Variants in CAMTA1 observed in about 807,000 individuals in gnomAD.
CAMTA1 encodes the protein calmodulin-binding transcription activator 1.
CAMTA1 carries 27 observed loss-of-function variants against 170.9 expected under a neutral mutation model. The observed-to-expected ratio is 0.16, with a 90% CI of 0.12 to 0.22. The LOEUF is 0.22. CAMTA1 is among the 10% of genes least tolerant of loss of function. The probability of loss-of-function intolerance (pLI) is 1.00; values close to 1 mark genes in which losing one functional copy is unlikely to be tolerated. For missense variants in CAMTA1, 1,619 were observed against 2,217.2 expected (o/e 0.73, Z 5.42); for synonymous variants, 833 against 891.5 (o/e 0.93, Z 1.17).
chr1:6,809,697 T>C (rs1370626097), intron 1 of CAMTA1, among the ~76,000 whole-genome samples: 2 of 152,018 alleles, frequency 1.3e-5, no homozygotes, highest in East Asian at 3.9e-4. Flanking sequence ...AGAAATGTGA[T>C]GAATGCTTAC....
chr1:7,020,049 C>T (rs934619583), intron 3 of CAMTA1, among the ~76,000 whole-genome samples: 1 of 152,236 alleles, frequency 6.6e-6, no homozygotes, highest in Non-Finnish European at 1.5e-5. Flanking sequence ...CATGGCTGGG[C>T]TGCCTGTTTC....
At chr1:7,606,051 G>A (rs558665452) in intron 6 of CAMTA1, among the ~76,000 whole-genome samples, 9 of 152,310 alleles carry the variant, frequency 5.9e-5, no homozygotes, top group African/African-American at 1.7e-4. Context: ...CCTGAGTCAT[G>A]TGATCCAATC....
intron 3 of CAMTA1, among the ~76,000 whole-genome samples, chr1:6,828,895 T>G (rs1468865921): frequency 6.9e-6 from 1 of 144,602 alleles, no homozygotes; most frequent in Non-Finnish European, 1.5e-5. Context: ...ACGTAGTTTT[T>G]TTTTTTTTTT....
At chr1:7,636,318 G>A (rs2095711916) in intron 6 of CAMTA1, among the ~76,000 whole-genome samples, 1 of 152,126 alleles carries the variant, frequency 6.6e-6, no homozygotes, top group Non-Finnish European at 1.5e-5. Context: ...GGATGGGGTG[G>A]GTATCCACTG....
chr1:7,363,362 C>T (rs552176610), intron 5 of CAMTA1, among the ~76,000 whole-genome samples: 1 of 151,864 alleles, frequency 6.6e-6, no homozygotes, highest in Non-Finnish European at 1.5e-5. Flanking sequence ...TAAAATATTA[C>T]TTTATCATCT....
At chr1:7,078,992 C>T (rs1639667459) in intron 3 of CAMTA1, among the ~76,000 whole-genome samples, 1 of 152,162 alleles carries the variant, frequency 6.6e-6, no homozygotes, top group Admixed American at 6.5e-5. Flanking sequence ...GTTCTGTTGA[C>T]TACTAAACCA....
At chr1:7,059,831 T>G (rs1332514365) in intron 3 of CAMTA1, among the ~76,000 whole-genome samples, 1 of 152,202 alleles carries the variant, frequency 6.6e-6, no homozygotes, top group Non-Finnish European at 1.5e-5. Flanking sequence ...GCACTTATGC[T>G]TAGTGCTTTA....
intron 4 of CAMTA1, among the ~76,000 whole-genome samples, chr1:7,104,167 TACACACATATACACACA>T (rs1643298423): frequency 7.0e-6 from 1 of 142,752 alleles, no homozygotes; most frequent in Non-Finnish European, 1.5e-5. Context: ...TGCATACAAC[TACACACATATACACACA>T]ACACACATGC....
chr1:7,225,248 C>A (rs1466830609), intron 4 of CAMTA1, among the ~76,000 whole-genome samples: 1 of 152,116 alleles, frequency 6.6e-6, no homozygotes, highest in Non-Finnish European at 1.5e-5. Flanking sequence ...CCATGCCCAG[C>A]TAATTTTTAT....
At chr1:7,711,643 T>G (rs762173871) in intron 11 of CAMTA1, among the ~76,000 whole-genome samples, 98 of 152,218 alleles carry the variant, frequency 6.4e-4, no homozygotes, top group Non-Finnish European at 1.3e-3. Flanking sequence ...TCTAGGACCA[T>G]TTCCAGAAAG....
At position 7,635,334 on chromosome 1, in the gene CAMTA1, G is replaced by C. The variant is rs930667800; in HGVS notation, c.511-5066G>C. Among the ~76,000 whole-genome samples the C allele has an allele frequency of 6.6e-6, 1 of 152,178 alleles. No homozygotes were observed. Among genetic ancestry groups the C allele is most frequent in the Admixed American group, 6.5e-5 (1 of 15,274 alleles). Reference sequence around the variant, plus strand: ...CCAGAATCAAGGATCCGGGCCGGGCGTGGTGGCTCACGCCTGTAATCCCAG... The same window carrying C: ...CCAGAATCAAGGATCCGGGCCGGGCCTGGTGGCTCACGCCTGTAATCCCAG... On this transcript the variant is annotated intron_variant, in intron 6 of 22. Coordinates refer to ENST00000303635, the MANE Select transcript of CAMTA1 (RefSeq NM_015215.4). This position sits in a 1 kb window ranked among gnomAD's most constrained non-coding sequence, Gnocchi z 4.4.
chr1:7,520,633 C>G (rs941805075), intron 6 of CAMTA1, among the ~76,000 whole-genome samples: 2 of 151,936 alleles, frequency 1.3e-5, no homozygotes, highest in Non-Finnish European at 2.9e-5. Flanking sequence ...AGCAGGGGCC[C>G]CTTCTGGGCA....
At chr1:7,624,014 C>T (rs187285381) in intron 6 of CAMTA1, among the ~76,000 whole-genome samples, 24 of 152,334 alleles carry the variant, frequency 1.6e-4, no homozygotes, top group Admixed American at 1.0e-3. Flanking sequence ...AGTTTTTGAA[C>T]GGTGCTGTTC....
At position 7,014,611 on chromosome 1, in the gene CAMTA1, G is replaced by A. The variant is rs957672231; in HGVS notation, c.235-76693G>A. On this transcript the variant is annotated intron_variant, in intron 3 of 22. Coordinates refer to ENST00000303635, the MANE Select transcript of CAMTA1 (RefSeq NM_015215.4). This position sits in a 1 kb window ranked among gnomAD's most constrained non-coding sequence, Gnocchi z 4.2. ...GTTTTAAGGCAGCAAAACAGCGTGC[G>A]AGCTTGGTCCCTTAACACGGAGTCT... 1.3e-5 allele frequency among the ~76,000 whole-genome samples: 2 copies of A among 152,178 alleles called. No homozygotes were observed. The highest frequency in any genetic ancestry group is 4.8e-5 in the African/African-American group (2 of 41,442).
chr1:6,785,570 C>T lies in CAMTA1; in HGVS notation c.40C>T (p.Arg14Trp), dbSNP rs1359009171. ...GGGGAAATGGCTGCCGAAAACAAGC[C>T]GGAAGGTAAGAGCCGGAGCGCGAGG... ...AEGKWLPKTS[R>W]KSVSQSVFCG... The change falls in exon 1 of 23, where the codon CGG becomes TGG. Residue 14 changes from arginine to tryptophan, a missense_variant. Physicochemically the swap from Arg to Trp is moderately radical, Grantham distance 101 (BLOSUM62 -3). This residue lies in a region of CAMTA1 where 61 missense variants were observed against 57.7 expected (regional missense o/e 1.06). Coordinates refer to ENST00000303635, the MANE Select transcript of CAMTA1 (RefSeq NM_015215.4). The T allele has an allele frequency of 1.2e-5, 13 of 1,068,278 alleles. No homozygotes were observed. Among genetic ancestry groups the T allele is most frequent in the Non-Finnish European group, 1.4e-5 (12 of 867,578 alleles). 66.2% of individuals were successfully genotyped at this position (1,068,278 alleles called of 1,614,324 possible).
chr1:7,180,511 C>CTTTTT (rs397862259), intron 4 of CAMTA1, among the ~76,000 whole-genome samples: 20 of 71,178 alleles, frequency 2.8e-4, no homozygotes, highest in East Asian at 1.4e-3. Context: ...TGTCACTAGA[C>CTTTTT]TTTTTTTTTT....
rs544844214 is a variant in CAMTA1, at chr1:7,455,746, A to C, written c.439-12084A>C. Among the ~76,000 whole-genome samples the C allele has an allele frequency of 1.3e-5, 2 of 152,360 alleles. No individual in the cohort carries two copies. Among genetic ancestry groups the C allele is most frequent in the South Asian group, 4.1e-4 (2 of 4,828 alleles). On this transcript the variant is annotated intron_variant, in intron 5 of 22. Coordinates refer to ENST00000303635, the MANE Select transcript of CAMTA1 (RefSeq NM_015215.4). The surrounding 1 kb of genome is among the most constrained non-coding windows in gnomAD (Gnocchi z 5.0). The stretch of plus-strand genomic sequence containing the variant: ...AGTAACCACAGCCAGGAATCCCGGC[A>C]GTGCCAGCCCCGCAGACGCCTGCCC...
At position 7,483,882 on chromosome 1, in the gene CAMTA1, G is replaced by A. The variant is rs2093577807; in HGVS notation, c.510+15981G>A. Among the ~76,000 whole-genome samples, 3 of 152,150 alleles carry A rather than the reference G, an allele frequency of 2.0e-5. No individual in the cohort carries two copies. The South Asian group carries it at 6.2e-4, about 32-fold the overall frequency. On this transcript the variant is annotated intron_variant, in intron 6 of 22. Transcript: ENST00000303635. Reference sequence around the variant, plus strand: ...CCAGCCCCTGACCTGGCTCCCGTGAGCAGCCTGAGCTCCACACACCTCCTG... The same window carrying A: ...CCAGCCCCTGACCTGGCTCCCGTGAACAGCCTGAGCTCCACACACCTCCTG...
intron 5 of CAMTA1, among the ~76,000 whole-genome samples, chr1:7,405,931 G>T (rs1279708693): frequency 1.3e-5 from 2 of 152,216 alleles, no homozygotes. Flanking sequence ...CTGCCCTGCT[G>T]TTGGGGATTT....
Sources: gnomAD v4.1 joint callset for allele counts (sites outside exome capture counted in the v4.1 genomes callset) on GRCh38, gnomAD v4.1.1 for gene constraint, gnomAD v4.1.1 regional missense constraint, Gnocchi (gnomAD v3.1) non-coding constraint, MANE v1.5 for transcripts, NCBI Gene and HGNC (gene_info 2026-07-23, HGNC 2026-07-21) for gene names.